Variants in SLC38A4 observed in about 807,000 individuals in gnomAD.
SLC38A4 encodes the protein solute carrier family 38 member 4, also known as sodium-coupled neutral amino acid transporter 4.
A neutral mutation model predicts 63.1 loss-of-function variants in SLC38A4; 20 were observed. The observed-to-expected ratio is 0.32, with a 90% CI of 0.22 to 0.46. SLC38A4 has a LOEUF of 0.46. SLC38A4 is among the 20% of genes least tolerant of loss of function. SLC38A4 has a pLI of 1.00. For synonymous variants in SLC38A4, 230 were observed against 225.5 expected (o/e 1.02, Z -0.18); for missense variants, 526 against 663.6 (o/e 0.79, Z 2.28).
intron 13 of SLC38A4, among the ~76,000 whole-genome samples, chr12:46,776,132 C>A (rs927204899): frequency 7.2e-5 from 11 of 151,864 alleles, no homozygotes; most frequent in African/African-American, 2.2e-4. Context: ...AAGTTAAAAA[C>A]TTTAAAAGGA....
intron 10 of SLC38A4, among the ~76,000 whole-genome samples, 165 bp downstream of exon 10, chr12:46,779,446 C>T (rs1285963660): frequency 6.6e-6 from 1 of 151,928 alleles, no homozygotes; most frequent in Non-Finnish European, 1.5e-5. Context: ...ATCTTTAAAT[C>T]GTAGCTGCTC....
chr12:46,830,966 C>A (rs558148059), upstream of SLC38A4, among the ~76,000 whole-genome samples: 1 of 152,314 alleles, frequency 6.6e-6, no homozygotes, highest in East Asian at 1.9e-4. Flanking sequence ...TCTGCAAATG[C>A]CCTGGCACAC....
At chr12:46,793,347 A>G (rs917079786) in intron 2 of SLC38A4, among the ~76,000 whole-genome samples, 164 bp from the exon 3 acceptor site, 3 of 152,200 alleles carry the variant, frequency 2.0e-5, no homozygotes, top group Non-Finnish European at 4.4e-5. Flanking sequence ...CCAATACAAG[A>G]AAGGAAGAAA....
upstream of SLC38A4, among the ~76,000 whole-genome samples, chr12:46,829,092 C>T (rs894698591): frequency 1.3e-5 from 2 of 152,160 alleles, no homozygotes; most frequent in Admixed American, 6.5e-5. Context: ...CTTTGTGACT[C>T]TTGGCTCTTT....
At chr12:46,776,800 A>C in intron 13 of SLC38A4, 104 bp downstream of exon 13, 1 of 886,856 alleles carries the variant, frequency 1.1e-6, no homozygotes, top group Non-Finnish European at 1.9e-6. Context: ...TGTCATCTAT[A>C]GAGCATGCTT....
chr12:46,831,646 C>T (rs1167302664), intron 1 of SLC38A4, among the ~76,000 whole-genome samples: 1 of 152,250 alleles, frequency 6.6e-6, no homozygotes, highest in Non-Finnish European at 1.5e-5. Flanking sequence ...TCCTTGGGGG[C>T]TCCCCAGGTC....
intron 3 of SLC38A4, among the ~76,000 whole-genome samples, chr12:46,789,058 C>G (rs1026149045): frequency 6.6e-6 from 1 of 152,092 alleles, no homozygotes; most frequent in African/African-American, 2.4e-5. Flanking sequence ...TGATCCTTAT[C>G]TCATCTGATG....
intron 3 of SLC38A4, among the ~76,000 whole-genome samples, chr12:46,791,116 G>T (rs1315039334): frequency 1.3e-5 from 2 of 152,110 alleles, no homozygotes; most frequent in East Asian, 3.9e-4. Flanking sequence ...GTCAACCTCG[G>T]CAGAGCTCAT....
chr12:46,818,487 C>A (rs1352815348), intron 1 of SLC38A4, among the ~76,000 whole-genome samples: 1 of 151,676 alleles, frequency 6.6e-6, no homozygotes, highest in African/African-American at 2.4e-5. Context: ...AATCTAGACC[C>A]CAAAGTGAAA....
chr12:46,804,401 CATTT>C (rs1939189614), intron 1 of SLC38A4, among the ~76,000 whole-genome samples: 1 of 151,810 alleles, frequency 6.6e-6, no homozygotes, highest in African/African-American at 2.4e-5. Context: ...GTTGGCAAAT[CATTT>C]ATTTATTCTG....
At chr12:46,827,946 A>T (rs1217528077), upstream of SLC38A4, among the ~76,000 whole-genome samples, 1 of 152,206 alleles carries the variant, frequency 6.6e-6, no homozygotes, top group Non-Finnish European at 1.5e-5. Context: ...TTGTTCTGTT[A>T]GCACAGGTAA....
intron 1 of SLC38A4, among the ~76,000 whole-genome samples, chr12:46,809,271 C>G (rs1416894191): frequency 6.6e-6 from 1 of 151,994 alleles, no homozygotes; most frequent in Non-Finnish European, 1.5e-5. Flanking sequence ...TATGTTCAGG[C>G]TGGCCTTTTT....
At chr12:46,829,337 A>G (rs1437965468), upstream of SLC38A4, among the ~76,000 whole-genome samples, 2 of 152,104 alleles carry the variant, frequency 1.3e-5, no homozygotes, top group Non-Finnish European at 2.9e-5. Flanking sequence ...GTGGAAGCAC[A>G]TTTTTTAAAA....
chr12:46,767,963 T>A (rs1938332487), intron 16 of SLC38A4, among the ~76,000 whole-genome samples: 1 of 152,080 alleles, frequency 6.6e-6, no homozygotes, highest in Admixed American at 6.6e-5. Context: ...AATTATTCCA[T>A]AACACCGCTA....
In SLC38A4 at chr12:46,766,502, T is replaced by C. The variant is rs1938303012; in HGVS notation, c.*199A>G. 3 of 663,840 alleles carry C rather than the reference T, an allele frequency of 4.5e-6. No individual in the cohort carries two copies. Among genetic ancestry groups the C allele is most frequent in the Non-Finnish European group, 8.3e-6 (3 of 359,942 alleles). 41.1% of individuals were successfully genotyped at this position (663,840 alleles called of 1,614,324 possible). ...TAGAAATGTGCACCACAGGTTTTAT[T>C]TTAAACACATACACAACCATCCTTG... On this transcript the variant is annotated 3_prime_UTR_variant, in exon 17 of 17. Transcript: ENST00000266579.
chr12:46,818,288 C>G (rs998412416), intron 1 of SLC38A4, among the ~76,000 whole-genome samples: 6 of 151,914 alleles, frequency 3.9e-5, no homozygotes, highest in African/African-American at 1.2e-4. Context: ...TTAAGAGAAG[C>G]AGCTTAGACA....
chr12:46,769,136 G>T, intron 15 of SLC38A4, 148 bp downstream of exon 15: 3 of 803,116 alleles, frequency 3.7e-6, no homozygotes, highest in Non-Finnish European at 5.8e-6. Context: ...ACAGTGAGCA[G>T]CTCAATCACC....
At position 46,793,186 on chromosome 12, in the gene SLC38A4, GCA is replaced by G; in HGVS notation, c.-112-5_-112-4del. 1 of 701,740 alleles carries G rather than the reference GCA, an allele frequency of 1.4e-6. No homozygotes were observed. Among genetic ancestry groups the G allele is most frequent in the Non-Finnish European group, 2.5e-6 (1 of 393,968 alleles). The allele number at this position is 701,740 out of a possible 1,614,324, so 43.5% of individuals were successfully genotyped here. On this transcript the variant is annotated splice_region_variant and splice_polypyrimidine_tract_variant and intron_variant, in intron 2 of 16. Transcript: ENST00000266579. ...GTTGATGTTCAGAACACTCTGTTCT[GCA>G]AACAGAACACAACATACATCATTAT...
At chr12:46,779,019 T>C (rs1369092438) in intron 10 of SLC38A4, among the ~76,000 whole-genome samples, 1 of 152,016 alleles carries the variant, frequency 6.6e-6, no homozygotes, top group Non-Finnish European at 1.5e-5. Context: ...CTTCCCACCC[T>C]CTTTCATGCC....
Sources: allele counts gnomAD v4.1 joint callset (sites outside exome capture counted in the v4.1 genomes callset), GRCh38; gene constraint gnomAD v4.1.1; transcripts MANE v1.5; gene names NCBI Gene and HGNC (gene_info 2026-07-23, HGNC 2026-07-21).